Variants in TNPO1 observed in about 807,000 individuals in gnomAD.
TNPO1 encodes transportin 1.
Under a neutral mutation model 119.5 loss-of-function variants are expected in TNPO1, and 8 were observed. The observed-to-expected ratio is 0.07, with a 90% CI of 0.04 to 0.12. The LOEUF is 0.12. Ranked by LOEUF, TNPO1 falls within the 10% of genes least tolerant of loss-of-function variation. The pLI is 1.00. For synonymous variants in TNPO1, 362 were observed against 363.0 expected, an observed-to-expected ratio of 1.00 and a Z score of 0.03; for missense variants, 576 against 1,089.8, an observed-to-expected ratio of 0.53 and a Z score of 6.64.
intron 2 of TNPO1, among the ~76,000 whole-genome samples, chr5:72,849,367 G>T (rs1210072170): frequency 6.6e-6 from 1 of 152,148 alleles, no homozygotes; most frequent in African/African-American, 2.4e-5. Context: ...TCTATATCAT[G>T]AATAACCTTT....
chr5:72,843,056 G>T (rs1235448844), intron 1 of TNPO1, among the ~76,000 whole-genome samples: 2 of 152,184 alleles, frequency 1.3e-5, no homozygotes, highest in East Asian at 3.9e-4. Context: ...CTGAGGCAGT[G>T]CTGCTCTCTG....
At chr5:72,837,480 C>T (rs1744734315) in intron 1 of TNPO1, among the ~76,000 whole-genome samples, 1 of 152,166 alleles carries the variant, frequency 6.6e-6, no homozygotes, top group Non-Finnish European at 1.5e-5. Context: ...AAGTGCCTTC[C>T]AAAGTCCCCA....
chr5:72,900,108 A>G (rs372795634), intron 21 of TNPO1, 27 bp downstream of exon 21: 4 of 1,566,940 alleles, frequency 2.6e-6, no homozygotes, highest in Non-Finnish European at 3.5e-6. Context: ...CTTTTTTTTT[A>G]ATTCATTTTT....
Position 72,911,239 on chromosome 5 carries a change from C to T in TNPO1, c.*2566C>T, listed in dbSNP as rs911875821. 1.3e-5 allele frequency: 2 copies of T among 151,850 alleles called. No homozygotes were observed. Among genetic ancestry groups the T allele is most frequent in the African/African-American group, 4.8e-5 (2 of 41,352 alleles). The allele number at this position is 151,850 out of a possible 1,614,324, so 9.4% of individuals were successfully genotyped here. A position where few individuals can be genotyped will look rare whatever the true frequency, so the allele number is the denominator to read the frequency against. On this transcript the variant is annotated 3_prime_UTR_variant, in exon 25 of 25. Coordinates refer to ENST00000337273, the MANE Select transcript of TNPO1 (RefSeq NM_002270.4). ...GTATTGACTAAAGGCAATATTGTCA[C>T]CTGTCTCATTAAAAATTAGTTTCCA... is the stretch of plus-strand genomic sequence containing the variant.
chr5:72,892,175 A>G (rs549458289), intron 15 of TNPO1, among the ~76,000 whole-genome samples: 20 of 152,174 alleles, frequency 1.3e-4, no homozygotes, highest in African/African-American at 4.1e-4. Context: ...ACCGGGATAT[A>G]TATATATATC....
At chr5:72,858,284 G>A (rs1287806199) in intron 4 of TNPO1, among the ~76,000 whole-genome samples, 2 of 152,068 alleles carry the variant, frequency 1.3e-5, no homozygotes, top group Non-Finnish European at 2.9e-5. Flanking sequence ...GCTAGTTAAT[G>A]GATACATTTA....
At chr5:72,880,648 C>G (rs1366513307) in intron 9 of TNPO1, among the ~76,000 whole-genome samples, 2 of 152,008 alleles carry the variant, frequency 1.3e-5, no homozygotes, top group Non-Finnish European at 2.9e-5. Flanking sequence ...AACCCCATCT[C>G]TACTAAAAAT....
intron 11 of TNPO1, among the ~76,000 whole-genome samples, chr5:72,886,316 A>G (rs573331352): frequency 6.6e-6 from 1 of 152,320 alleles, no homozygotes; most frequent in African/African-American, 2.4e-5. Flanking sequence ...TTTTGTGTCT[A>G]AAGTCCAGCT....
intron 3 of TNPO1, among the ~76,000 whole-genome samples, chr5:72,853,110 A>G (rs1435708376): frequency 1.3e-5 from 2 of 152,210 alleles, no homozygotes; most frequent in South Asian, 2.1e-4. Context: ...CTTGGGATAT[A>G]AGGATACTTC....
In TNPO1 at chr5:72,837,918, C is replaced by G. The variant is rs1744754084; in HGVS notation, c.16-10467C>G. On this transcript the variant is annotated intron_variant, in intron 1 of 24. Transcript: ENST00000337273. The stretch of plus-strand genomic sequence containing the variant: ...TGTATGACTCCAGAACCCATGCTTC[C>G]TCTACTCCATCAGGAACTAAACTTG... Among the ~76,000 whole-genome samples the G allele has an allele frequency of 2.0e-5, 3 of 152,202 alleles. No homozygotes were observed. The South Asian group carries it at 6.2e-4, about 31-fold the overall frequency.
intron 1 of TNPO1, among the ~76,000 whole-genome samples, chr5:72,822,190 T>TACA (rs1324334658): frequency 6.6e-6 from 1 of 152,182 alleles, no homozygotes; most frequent in African/African-American, 2.4e-5. Flanking sequence ...TAAAGCACTC[T>TACA]ACATCGATTT....
At chr5:72,858,527 T>G (rs1746169804) in intron 4 of TNPO1, among the ~76,000 whole-genome samples, 1 of 152,088 alleles carries the variant, frequency 6.6e-6, no homozygotes, top group Admixed American at 6.6e-5. Context: ...GAAATTATTT[T>G]GGGGGCACAG....
chr5:72,882,754 G>T (rs1198350320), intron 10 of TNPO1, among the ~76,000 whole-genome samples: 2 of 152,034 alleles, frequency 1.3e-5, no homozygotes, highest in African/African-American at 2.4e-5. Flanking sequence ...TTAATTACTT[G>T]GAGTTATTTT....
intron 5 of TNPO1, among the ~76,000 whole-genome samples, chr5:72,863,727 C>T (rs1020457996): frequency 1.4e-5 from 2 of 147,088 alleles, no homozygotes; most frequent in Admixed American, 6.8e-5. Context: ...CACCACTGCA[C>T]TCCAGCCATC....
chr5:72,839,425 C>A (rs981977707), intron 1 of TNPO1, among the ~76,000 whole-genome samples: 1 of 152,100 alleles, frequency 6.6e-6, no homozygotes, highest in Admixed American at 6.5e-5. Context: ...TAAACTTCCC[C>A]CAAAACTTAC....
At chr5:72,855,361 A>G (rs1233326967) in intron 3 of TNPO1, among the ~76,000 whole-genome samples, 1 of 152,200 alleles carries the variant, frequency 6.6e-6, no homozygotes, top group African/African-American at 2.4e-5. Flanking sequence ...TCAGGAAACA[A>G]TAAAGCTTGA....
At chr5:72,898,908 T>TA (rs1326101879) in intron 20 of TNPO1, among the ~76,000 whole-genome samples, 1 of 152,180 alleles carries the variant, frequency 6.6e-6, no homozygotes, top group Non-Finnish European at 1.5e-5. Flanking sequence ...TATGAAAGGT[T>TA]AACCTGTAAG....
At chr5:72,867,188 TCC>T (rs1382458017) in intron 6 of TNPO1, among the ~76,000 whole-genome samples, 3 of 152,086 alleles carry the variant, frequency 2.0e-5, no homozygotes, top group African/African-American at 4.8e-5. Context: ...AAAATTCCTT[TCC>T]ATGAATGTTG....
intron 4 of TNPO1, 36 bp downstream of exon 4, chr5:72,855,959 T>C (rs774684444): frequency 6.2e-7 from 1 of 1,602,128 alleles, no homozygotes; most frequent in East Asian, 2.2e-5. Context: ...TTACTTTGTT[T>C]GTAACTGGGT....
Sources: gnomAD v4.1 joint callset for allele counts (sites outside exome capture counted in the v4.1 genomes callset) on GRCh38, gnomAD v4.1.1 for gene constraint, MANE v1.5 for transcripts, NCBI Gene and HGNC (gene_info 2026-07-23, HGNC 2026-07-21) for gene names.